TRIOBP: variants seen among roughly 807,000 people sequenced by gnomAD.
TRIOBP encodes the protein TRIO and F-actin-binding protein.
In TRIOBP, 169 loss-of-function variants were observed where a neutral mutation model predicts 238.8. The observed-to-expected ratio is 0.71, with a 90% CI of 0.62 to 0.80. The LOEUF is 0.80. TRIOBP is among the 30% of genes least tolerant of loss of function. The pLI, the probability that TRIOBP is intolerant of heterozygous loss-of-function variation, is 0.00. For missense variants in TRIOBP, 2,838 were observed against 3,122.6 expected, an observed-to-expected ratio of 0.91 and a Z score of 2.17; for synonymous variants, 1,150 against 1,274.4, an observed-to-expected ratio of 0.90 and a Z score of 2.08.
chr22:37,751,100 T>C, intron 11 of TRIOBP: 1 of 432,646 alleles, frequency 2.3e-6, no homozygotes, highest in Non-Finnish European at 4.7e-6. Context: ...CTTCTTTATC[T>C]AGGCCTGGGT....
At chr22:37,748,096 A>G (rs188093003) in intron 11 of TRIOBP, among the ~76,000 whole-genome samples, 1 of 152,308 alleles carries the variant, frequency 6.6e-6, no homozygotes, top group African/African-American at 2.4e-5. Flanking sequence ...AGAAGTAGCA[A>G]GAGCGTAGGG....
chr22:37,728,173 C>T (rs1011151870), intron 7 of TRIOBP, among the ~76,000 whole-genome samples: 3 of 151,590 alleles, frequency 2.0e-5, no homozygotes, highest in Non-Finnish European at 2.9e-5. Context: ...TGCAGTGGCT[C>T]CCTCCTGTAA....
intron 4 of TRIOBP, among the ~76,000 whole-genome samples, chr22:37,711,764 C>T (rs755632883): frequency 1.3e-5 from 2 of 152,044 alleles, no homozygotes; most frequent in African/African-American, 4.8e-5. Context: ...TTTTGGGTAA[C>T]GGAAGTAGAG....
rs1273161769 is a variant in TRIOBP at position 37,713,424 on chromosome 22, T to TG, written c.456+16dup. Reference sequence around the variant, plus strand: ...CTCGTCCTCTGTGGTGAGCCAGGAGTGGGAGTTTGGGGGACAAGAGTGGCT... The same window carrying TG: ...CTCGTCCTCTGTGGTGAGCCAGGAGTGGGGAGTTTGGGGGACAAGAGTGGCT... On this transcript the variant is annotated intron_variant, in intron 5 of 23. Coordinates refer to ENST00000644935, the MANE Select transcript of TRIOBP (RefSeq NM_001039141.3). The TG allele has an allele frequency of 6.2e-7, 1 of 1,610,190 alleles. No individual in the cohort carries two copies. The highest frequency in any genetic ancestry group is 8.5e-7 in the Non-Finnish European group (1 of 1,179,740).
intron 22 of TRIOBP, among the ~76,000 whole-genome samples, chr22:37,772,286 G>A (rs59824228): frequency 1.6e-4 from 24 of 152,320 alleles, no homozygotes; most frequent in Admixed American, 8.5e-4. Flanking sequence ...AACAGGTGGC[G>A]TGAACTCACA....
At chr22:37,720,071 G>A (rs1204111826) in intron 6 of TRIOBP, among the ~76,000 whole-genome samples, 3 of 125,168 alleles carry the variant, frequency 2.4e-5, no homozygotes, top group Admixed American at 1.2e-4. Flanking sequence ...GTACAATGGC[G>A]CAGTCTCGGC....
intron 11 of TRIOBP, 26 bp downstream of exon 11, chr22:37,741,058 A>G (rs1176925475): frequency 6.4e-7 from 1 of 1,550,454 alleles, no homozygotes; most frequent in Admixed American, 2.0e-5. Context: ...TGGGGACTGG[A>G]GGGGTGAGGG....
chr22:37,766,326 C>A (rs954237032), intron 18 of TRIOBP, among the ~76,000 whole-genome samples: 1 of 152,268 alleles, frequency 6.6e-6, no homozygotes, highest in Non-Finnish European at 1.5e-5. Context: ...CCACCGCACA[C>A]CTGCTGTGTG....
intron 3 of TRIOBP, among the ~76,000 whole-genome samples, chr22:37,708,500 G>A (rs931292664): frequency 5.3e-5 from 8 of 152,198 alleles, no homozygotes; most frequent in South Asian, 2.1e-4. Context: ...GCAGTGAGCC[G>A]AGACTGCACC....
intron 11 of TRIOBP, among the ~76,000 whole-genome samples, chr22:37,747,129 A>G (rs1173725867): frequency 6.6e-6 from 1 of 151,768 alleles, no homozygotes; most frequent in Non-Finnish European, 1.5e-5. Context: ...TACCTGTGCC[A>G]TAGTTAGCAT....
rs766448920 is a variant in TRIOBP at position 37,723,553 on chromosome 22, T to C, written c.997T>C (p.Ser333Pro). 6 of 1,610,124 alleles carry C rather than the reference T, an allele frequency of 3.7e-6. No homozygotes were observed. In the East Asian group the frequency reaches 1.3e-4, roughly 36 times the overall value. ...CACCCAAGAGGACACCCCCAGGGCC[T>C]CATCTACACAGTGGAACACCCCCAG... ...SSTQEDTPRA[S>P]STQWNTPRAS... is the part of the protein sequence containing the mutation. The change falls in exon 7 of 24, where the codon TCA (serine) becomes CCA (proline). Residue 333 changes from serine (S) to proline (P), a missense_variant. Physicochemically the swap from Ser to Pro is moderately conservative, Grantham distance 74. This residue lies in a region of TRIOBP where 535 missense variants were observed against 537.3 expected (regional missense o/e 1.00). Transcript: ENST00000644935.
rs1286363643 is a variant in TRIOBP at position 37,710,458 on chromosome 22, C to G, written c.146C>G (p.Pro49Arg). 6.2e-7 allele frequency: 1 copy of G among 1,613,378 alleles called. No individual in the cohort carries two copies. Among genetic ancestry groups the G allele is most frequent in the Non-Finnish European group, 8.5e-7 (1 of 1,180,012 alleles). Residue 49 changes from proline to arginine, a missense_variant, in exon 4 of 24, where the codon CCC (proline) becomes CGC (arginine). By Grantham distance (103) the Pro-to-Arg change is moderately radical. Coordinates refer to ENST00000644935, the MANE Select transcript of TRIOBP (RefSeq NM_001039141.3). ...ELRSPSGAEVPYCDLPRCPPA... is the reference protein window; with the variant it reads ...ELRSPSGAEVRYCDLPRCPPA... Reference sequence around the variant, plus strand: ...AGGAGCCCTTCAGGTGCTGAGGTGCCCTACTGCGACCTGCCTCGATGTCCA... The same window carrying G: ...AGGAGCCCTTCAGGTGCTGAGGTGCGCTACTGCGACCTGCCTCGATGTCCA...
chr22:37,720,094 C>T (rs1431065385), intron 6 of TRIOBP, among the ~76,000 whole-genome samples: 1 of 147,574 alleles, frequency 6.8e-6, no homozygotes, highest in Middle Eastern at 3.5e-3. Context: ...ACTGCAACCT[C>T]CACCTCCCAG....
At chr22:37,770,398 C>T (rs1389830476) in intron 21 of TRIOBP, among the ~76,000 whole-genome samples, 11 of 138,900 alleles carry the variant, frequency 7.9e-5, no homozygotes, top group African/African-American at 3.0e-4. Flanking sequence ...TGCAGTGAGC[C>T]GAGATCGTGC....
At chr22:37,729,016 A>G (rs966792398) in intron 7 of TRIOBP, among the ~76,000 whole-genome samples, 7 of 152,088 alleles carry the variant, frequency 4.6e-5, no homozygotes, top group Admixed American at 1.3e-4. Flanking sequence ...TCTGGGTTCA[A>G]GCAGTTCTCC....
chr22:37,767,953 C>G lies in TRIOBP; in HGVS notation c.6473-121C>G, dbSNP rs777672900. 3.8e-6 allele frequency: 3 copies of G among 789,218 alleles called. No homozygotes were observed. In the African/African-American group the frequency reaches 5.1e-5, roughly 13 times the overall value. 48.9% of individuals were successfully genotyped at this position (789,218 alleles called of 1,614,324 possible). A position where few individuals can be genotyped will look rare whatever the true frequency, so the allele number is the denominator to read the frequency against. ...CCTTGGTCCAAGTCCATAGTACTTG[C>G]ATAGTACTATGTGGAGTCCACATAG... On this transcript the variant is annotated intron_variant, in intron 18 of 23. Transcript: ENST00000644935.
chr22:37,750,918 G>T, intron 11 of TRIOBP: 1 of 375,876 alleles, frequency 2.7e-6, no homozygotes, highest in South Asian at 1.9e-5. Flanking sequence ...GGGGCTGATA[G>T]GTAGGCTCAG....
rs757457943 is a variant in TRIOBP at position 37,735,063 on chromosome 22, G to A, written c.4727G>A (p.Arg1576His). Residue 1576 changes from arginine to histidine, a missense_variant, in exon 9 of 24, where the codon CGT becomes CAT. Physicochemically the swap from Arg to His is conservative, Grantham distance 29. This residue lies in a region of TRIOBP where 2,096 missense variants were observed against 2,137.4 expected (regional missense o/e 0.98). Coordinates refer to ENST00000644935, the MANE Select transcript of TRIOBP (RefSeq NM_001039141.3). The stretch of plus-strand genomic sequence containing the variant: ...GCACCAGGAGAGGGGGTCTGGGCCC[G>A]TGTCCCCAGCCTGGACTGGGAGGGC... ...LRAPGEGVWA[R>H]VPSLDWEGLL... 16 of 1,606,798 alleles carry A rather than the reference G, an allele frequency of 1.0e-5. No homozygotes were observed. The highest frequency in any genetic ancestry group is 8.9e-5 in the East Asian group (4 of 44,730).
rs746560100 is a variant in TRIOBP, at chr22:37,723,514, C to T, written c.958C>T (p.Pro320Ser). The T allele has an allele frequency of 6.2e-7, 1 of 1,613,390 alleles. No individual in the cohort carries two copies. The highest frequency in any genetic ancestry group is 8.5e-7 in the Non-Finnish European group (1 of 1,179,792). The change falls in exon 7 of 24, where the codon CCT becomes TCT. Residue 320 changes from proline (P) to serine (S), a missense_variant. Pro to Ser is a moderately conservative substitution (Grantham distance 74). This residue lies in a region of TRIOBP where 535 missense variants were observed against 537.3 expected (regional missense o/e 1.00). Transcript: ENST00000644935. ...GGCCTCATCCACCCAAGAGGACACC[C>T]CTAGGGCCTCATCCACCCAAGAGGA... The part of the protein sequence containing the change: ...SRASSTQEDT[P>S]RASSTQEDTP...
Sources: gnomAD v4.1 joint callset for allele counts (sites outside exome capture counted in the v4.1 genomes callset) on GRCh38, gnomAD v4.1.1 for gene constraint, gnomAD v4.1.1 regional missense constraint, MANE v1.5 for transcripts, NCBI Gene and HGNC (gene_info 2026-07-23, HGNC 2026-07-21) for gene names.